The following LONP1 variants were observed in gnomAD, a reference collection of about 807,000 sequenced individuals.
The protein encoded by LONP1 is lon protease homolog, mitochondrial.
A neutral mutation model predicts 98.5 loss-of-function variants in LONP1; 31 were observed. The ratio of observed to expected loss-of-function variants is 0.31; its 90% CI spans 0.24 to 0.42. The LOEUF is 0.42. Among genes scored for constraint, LONP1 ranks in the 20% least tolerant of loss-of-function variants. The pLI is 1.00. For synonymous variants in LONP1, 781 were observed against 594.7 expected, an observed-to-expected ratio of 1.31 and a Z score of -4.56; for missense variants, 1,336 against 1,350.6, an observed-to-expected ratio of 0.99 and a Z score of 0.17.
At chr19:5,718,833 T>TA (rs1451294319) in intron 1 of LONP1, among the ~76,000 whole-genome samples, 3 of 151,996 alleles carry the variant, frequency 2.0e-5, no homozygotes, top group South Asian at 4.1e-4. Flanking sequence ...CCAAGGCTCT[T>TA]AGTCTGAAAT....
chr19:5,707,269 C>A (rs2055161552), intron 6 of LONP1, 126 bp from the exon 7 acceptor site: 1 of 737,378 alleles, frequency 1.4e-6, no homozygotes, highest in Non-Finnish European at 2.3e-6. Flanking sequence ...CTGTACCCAG[C>A]ACAGAGGCAT....
At chr19:5,693,839 G>A (rs1335032986) in intron 15 of LONP1, 70 bp from the exon 16 acceptor site, 5 of 1,332,142 alleles carry the variant, frequency 3.8e-6, no homozygotes, top group East Asian at 2.5e-5. Flanking sequence ...CCACCCCTCG[G>A]GGCCACTCTG....
chr19:5,715,760 C>G (rs1049957010), intron 1 of LONP1, among the ~76,000 whole-genome samples: 1 of 147,948 alleles, frequency 6.8e-6, no homozygotes, highest in African/African-American at 2.5e-5. Flanking sequence ...CAGGTTCAAG[C>G]GATTCTTCCA....
intron 2 of LONP1, among the ~76,000 whole-genome samples, chr19:5,713,752 G>A (rs926177735): frequency 1.5e-4 from 23 of 152,026 alleles, no homozygotes; most frequent in African/African-American, 1.5e-4. Flanking sequence ...TAGTAAAGAC[G>A]AGGTTTCATC....
intron 1 of LONP1, among the ~76,000 whole-genome samples, chr19:5,714,614 TTTTC>T (rs1402728024): frequency 0.013 from 1,717 of 133,762 alleles, 32 homozygotes; most frequent in African/African-American, 0.044. Flanking sequence ...ACAGGGTAGC[TTTTC>T]TTTTTTTTTT....
Position 5,707,108 on chromosome 19 carries a change from C to T in LONP1, c.1098G>A (p.Leu366=), listed in dbSNP as rs756057699. 4 of 1,613,212 alleles carry T rather than the reference C, an allele frequency of 2.5e-6. No homozygotes were observed. The highest frequency in any genetic ancestry group is 2.2e-5 in the East Asian group (1 of 44,890). ...GCTTGCTCAGTTCAAATTCCTTCTT[C>T]AGCAGGGAGAGGGCCTTGTACAGCC... is the stretch of plus-strand genomic sequence containing the variant. ...PKRLYKALSL[L]KKEFELSKLQ... is the part of the protein sequence containing the mutation. The change falls in exon 7 of 18, where the codon CTG becomes CTA. Residue 366 remains leucine, a synonymous_variant. Transcript: ENST00000360614.
intron 8 of LONP1, 47 bp downstream of exon 8, chr19:5,705,725 G>A (rs1464512543): frequency 1.9e-6 from 3 of 1,568,250 alleles, no homozygotes; most frequent in South Asian, 1.1e-5. Context: ...GATGGGGGCT[G>A]AGGAGGGGTC....
At chr19:5,702,419 C>CA (rs2055069618) in intron 8 of LONP1, among the ~76,000 whole-genome samples, 2 of 149,076 alleles carry the variant, frequency 1.3e-5, no homozygotes, top group African/African-American at 4.9e-5. Flanking sequence ...TCTGCCCGGC[C>CA]GCCCCTACTG....
Position 5,693,403 on chromosome 19 carries a change from G to A in LONP1, c.2598C>T (p.Ser866=), listed in dbSNP as rs151308285. The stretch of plus-strand genomic sequence containing the variant: ...GCCGGACAGGCCTGCCCATGGCCAG[G>A]GACAGCAGGGCCGTGACGATGGTGC... ...AGCTIVTALL[S]LAMGRPVRQN... The change falls in exon 17 of 18, where the codon TCC becomes TCT. Residue 866 remains serine (S), a synonymous_variant. Transcript: ENST00000360614. 225 of 1,613,008 alleles carry A rather than the reference G, an allele frequency of 1.4e-4. 1 individual carries two copies. Among genetic ancestry groups the A allele is most frequent in the Middle Eastern group, 1.3e-3 (8 of 6,062 alleles).
In LONP1 at chr19:5,692,127, C is replaced by T. The variant is rs758265405; in HGVS notation, c.2785G>A (p.Glu929Lys). The change falls in exon 18 of 18, where the codon GAG (glutamate) becomes AAG (lysine). Residue 929 changes from glutamate to lysine, a missense_variant. Physicochemically the swap from Glu to Lys is moderately conservative, Grantham distance 56. Around this residue, in one of 5 missense-constraint regions of LONP1, gnomAD observed 555 missense variants for 542.6 expected, o/e 1.02. Transcript: ENST00000360614. ...DFYDLAAFIT[E>K]GLEVHFVEHY... ...TCCACGAAGTGCACCTCCAGGCCCT[C>T]GGTGATGAAGGCTGCCAGGTCGTAG... 6 of 1,613,486 alleles carry T rather than the reference C, an allele frequency of 3.7e-6. No homozygotes were observed. The highest frequency in any genetic ancestry group is 4.2e-6 in the Non-Finnish European group (5 of 1,179,702).
At chr19:5,706,907 A>G (rs1373585955) in intron 7 of LONP1, among the ~76,000 whole-genome samples, 153 bp downstream of exon 7, 1 of 152,234 alleles carries the variant, frequency 6.6e-6, no homozygotes, top group African/African-American at 2.4e-5. Context: ...GACAGAGCAG[A>G]TGATGGCACG....
At position 5,693,394 on chromosome 19, in the gene LONP1, C is replaced by T; in HGVS notation, c.2607G>A (p.Met869Ile). Residue 869 changes from methionine (M) to isoleucine (I), a missense_variant, in exon 17 of 18, where the codon ATG becomes ATA. Coordinates refer to ENST00000360614, the MANE Select transcript of LONP1 (RefSeq NM_004793.4). ...CCAGATTCTGCCGGACAGGCCTGCCCATGGCCAGGGACAGCAGGGCCGTGA... is the reference window on the plus strand; with the variant it reads ...CCAGATTCTGCCGGACAGGCCTGCCTATGGCCAGGGACAGCAGGGCCGTGA... ...TIVTALLSLA[M>I]GRPVRQNLAM... 1 of 1,613,232 alleles carries T rather than the reference C, an allele frequency of 6.2e-7. No individual in the cohort carries two copies. Among genetic ancestry groups the T allele is most frequent in the East Asian group, 2.2e-5 (1 of 44,846 alleles).
At chr19:5,694,662 G>A in intron 14 of LONP1, 99 bp downstream of exon 14, 2 of 1,562,890 alleles carry the variant, frequency 1.3e-6, no homozygotes, top group South Asian at 1.2e-5. Flanking sequence ...TGGGGTGATG[G>A]GCGCAGGAAA....
chr19:5,719,297 G>A (rs566700568), intron 1 of LONP1, among the ~76,000 whole-genome samples: 4 of 152,338 alleles, frequency 2.6e-5, no homozygotes, highest in African/African-American at 9.6e-5. Flanking sequence ...GTCTAAGAAA[G>A]GAATGAATTC....
chr19:5,713,394 C>G, intron 2 of LONP1, 141 bp from the exon 3 acceptor site: 1 of 1,044,084 alleles, frequency 9.6e-7, no homozygotes, highest in Non-Finnish European at 1.4e-6. Flanking sequence ...CCTTGGCTCC[C>G]GCAGGAGCTC....
chr19:5,697,739 C>T (rs983060239), intron 10 of LONP1, among the ~76,000 whole-genome samples: 92 of 148,584 alleles, frequency 6.2e-4, no homozygotes, highest in Non-Finnish European at 8.5e-4. Context: ...CATCGCCCCG[C>T]AGCCAGTCTC....
Position 5,693,338 on chromosome 19 carries a change from T to C in LONP1, c.2663A>G (p.Lys888Arg). ...AMTGEVSLTGKILPVGGIKEK... is the reference protein window; with the variant it reads ...AMTGEVSLTGRILPVGGIKEK... ...CTTGATGCCACCAACAGGCAGGATC[T>C]TGCCCGTGAGGGAGACTTCGCCAGT... Residue 888 changes from lysine to arginine, a missense_variant, in exon 17 of 18, where the codon AAG becomes AGG. Physicochemically the swap from Lys to Arg is conservative, Grantham distance 26 (BLOSUM62 2). Around this residue, in one of 5 missense-constraint regions of LONP1, gnomAD observed 555 missense variants for 542.6 expected, o/e 1.02. Transcript: ENST00000360614. 1 of 1,613,354 alleles carries C rather than the reference T, an allele frequency of 6.2e-7. No individual in the cohort carries two copies. The highest frequency in any genetic ancestry group is 8.5e-7 in the Non-Finnish European group (1 of 1,179,746).
Position 5,719,896 on chromosome 19 carries a change from G to C in LONP1, c.237C>G (p.Phe79Leu). The C allele has an allele frequency of 5.1e-6, 8 of 1,560,448 alleles. No individual in the cohort carries two copies. Among genetic ancestry groups the C allele is most frequent in the Non-Finnish European group, 6.1e-6 (7 of 1,154,130 alleles). Residue 79 changes from phenylalanine (F) to leucine (L), a missense_variant, in exon 1 of 18, where the codon TTC (phenylalanine) becomes TTG (leucine). Physicochemically the swap from Phe to Leu is conservative, Grantham distance 22. Around this residue, in one of 5 missense-constraint regions of LONP1, gnomAD observed 457 missense variants for 403.1 expected, o/e 1.13. Coordinates refer to ENST00000360614, the MANE Select transcript of LONP1 (RefSeq NM_004793.4). Reference sequence around the variant, plus strand: ...CCTCGGAGGCGTCCTCGCCCCCCGAGAATGCGCCTCCGCCGCGGCTGCTCG... The same window carrying C: ...CCTCGGAGGCGTCCTCGCCCCCCGACAATGCGCCTCCGCCGCGGCTGCTCG... ...WEASSRGGGA[F>L]SGGEDASEGG... is the part of the protein sequence containing the mutation.
intron 10 of LONP1, among the ~76,000 whole-genome samples, chr19:5,697,124 C>T (rs1043767847): frequency 2.6e-5 from 4 of 152,142 alleles, no homozygotes; most frequent in Admixed American, 2.0e-4. Flanking sequence ...CTAGCCATGG[C>T]CAGCACTGGC....
Sources: gnomAD v4.1 joint callset for allele counts (sites outside exome capture counted in the v4.1 genomes callset) on GRCh38, gnomAD v4.1.1 for gene constraint, gnomAD v4.1.1 regional missense constraint, MANE v1.5 for transcripts, NCBI Gene and HGNC (gene_info 2026-07-23, HGNC 2026-07-21) for gene names.